The following TSPAN9 variants were observed in gnomAD, a reference collection of about 807,000 sequenced individuals.
TSPAN9 encodes tetraspanin 9.
A neutral mutation model predicts 31.0 loss-of-function variants in TSPAN9; 16 were observed. That is an observed-to-expected ratio of 0.52 (90% CI 0.35 to 0.78). The LOEUF (loss-of-function observed/expected upper bound fraction) is 0.78, where lower values mean the gene tolerates loss of function less well. TSPAN9 is among the 30% of genes least tolerant of loss of function. The pLI is 0.01. For synonymous variants in TSPAN9, 145 were observed against 121.6 expected (o/e 1.19, Z -1.27); for missense variants, 272 against 312.5 (o/e 0.87, Z 0.98).
chr12:3,134,149 G>A (rs558220103), intron 2 of TSPAN9, among the ~76,000 whole-genome samples: 138 of 152,204 alleles, frequency 9.1e-4, no homozygotes, highest in African/African-American at 3.2e-3. Context: ...AGCCTTTCCC[G>A]CCGTGGACTG....
intron 3 of TSPAN9, among the ~76,000 whole-genome samples, chr12:3,245,743 C>T (rs533626516): frequency 1.4e-4 from 21 of 152,292 alleles, no homozygotes; most frequent in African/African-American, 2.2e-4. Flanking sequence ...CAGACCGGCC[C>T]GTGGCACGGA....
intron 2 of TSPAN9, 37 bp from the exon 3 acceptor site, chr12:3,201,140 G>T: frequency 6.4e-7 from 1 of 1,555,478 alleles, no homozygotes; most frequent in Admixed American, 1.7e-5. Flanking sequence ...CAAGTACGTG[G>T]TGTTTTACCT....
intron 3 of TSPAN9, among the ~76,000 whole-genome samples, chr12:3,247,102 G>C (rs886420963): frequency 6.6e-6 from 1 of 152,140 alleles, no homozygotes; most frequent in Non-Finnish European, 1.5e-5. Flanking sequence ...CCCAGGACAC[G>C]TTCACTGTGT....
chr12:3,101,111 C>G (rs1401160640), intron 2 of TSPAN9, among the ~76,000 whole-genome samples: 2 of 152,108 alleles, frequency 1.3e-5, no homozygotes, highest in African/African-American at 4.8e-5. Flanking sequence ...AAACTACACT[C>G]CATAGGAATT....
At chr12:3,206,499 C>T (rs1364074403) in intron 3 of TSPAN9, 6 of 332,788 alleles carry the variant, frequency 1.8e-5, no homozygotes, top group East Asian at 1.6e-4. Context: ...CTCCCCTCTA[C>T]ACCCACACAG....
chr12:3,099,632 G>T (rs1445896432), intron 2 of TSPAN9, among the ~76,000 whole-genome samples: 1 of 152,256 alleles, frequency 6.6e-6, no homozygotes, highest in Admixed American at 6.5e-5. Context: ...ATTGGGTTTT[G>T]TTATATTTCC....
chr12:3,183,817 T>C (rs1211789488), intron 2 of TSPAN9, among the ~76,000 whole-genome samples: 7 of 152,200 alleles, frequency 4.6e-5, no homozygotes, highest in African/African-American at 1.7e-4. Flanking sequence ...TACTCGGTGA[T>C]TGGCCTCAGG....
At chr12:3,238,797 C>G (rs1034804223) in intron 3 of TSPAN9, among the ~76,000 whole-genome samples, 28 of 152,336 alleles carry the variant, frequency 1.8e-4, no homozygotes, top group African/African-American at 6.5e-4. Context: ...CCGTTTAGTG[C>G]TTGGCGTCTG....
intron 3 of TSPAN9, chr12:3,212,035 G>A (rs1012882984): frequency 3.9e-5 from 24 of 620,488 alleles, no homozygotes; most frequent in Admixed American, 8.8e-5. Flanking sequence ...GCAGTGGCAT[G>A]ATCTCAGCTC....
intron 2 of TSPAN9, among the ~76,000 whole-genome samples, chr12:3,133,685 C>A (rs1050928928): frequency 6.6e-6 from 1 of 152,124 alleles, no homozygotes; most frequent in Admixed American, 6.5e-5. Flanking sequence ...TTTTTTTCTC[C>A]CCAGGTGGCT....
chr12:3,078,229 G>C (rs1171536508), intron 1 of TSPAN9, among the ~76,000 whole-genome samples: 1 of 152,056 alleles, frequency 6.6e-6, no homozygotes, highest in South Asian at 2.1e-4. Flanking sequence ...ACCAAAACGG[G>C]GGGTAAGAAG....
intron 2 of TSPAN9, among the ~76,000 whole-genome samples, chr12:3,135,380 C>T (rs2098331633): frequency 6.6e-6 from 1 of 152,126 alleles, no homozygotes; most frequent in Non-Finnish European, 1.5e-5. Flanking sequence ...GCCACTGTGC[C>T]CGGCCACCAC....
At chr12:3,104,053 G>A (rs1371609545) in intron 2 of TSPAN9, among the ~76,000 whole-genome samples, 1 of 152,168 alleles carries the variant, frequency 6.6e-6, no homozygotes, top group Non-Finnish European at 1.5e-5. Context: ...GGGAGGGAGT[G>A]AACCTGTGAA....
intron 1 of TSPAN9, among the ~76,000 whole-genome samples, chr12:3,079,692 C>T (rs2098296841): frequency 6.6e-6 from 1 of 152,122 alleles, no homozygotes; most frequent in South Asian, 2.1e-4. Context: ...AAACTCCTGA[C>T]CTCAGGTGAT....
intron 3 of TSPAN9, among the ~76,000 whole-genome samples, chr12:3,213,139 C>T (rs371596717): frequency 6.6e-6 from 1 of 152,132 alleles, no homozygotes; most frequent in East Asian, 1.9e-4. Context: ...TTGGATCATG[C>T]GGGGAAGGGC....
At chr12:3,221,559 A>G (rs536879956) in intron 3 of TSPAN9, among the ~76,000 whole-genome samples, 1 of 152,258 alleles carries the variant, frequency 6.6e-6, no homozygotes, top group African/African-American at 2.4e-5. Context: ...GAGTTTCACC[A>G]TGTTGGCCAG....
At chr12:3,186,560 G>T (rs2098361502) in intron 2 of TSPAN9, among the ~76,000 whole-genome samples, 1 of 151,542 alleles carries the variant, frequency 6.6e-6, no homozygotes, top group African/African-American at 2.4e-5. Flanking sequence ...GTGTGTGTGT[G>T]TGTGTGTGTG....
intron 7 of TSPAN9, among the ~76,000 whole-genome samples, 161 bp from the exon 8 acceptor site, chr12:3,281,573 T>G: frequency 6.7e-6 from 1 of 148,842 alleles, no homozygotes; most frequent in African/African-American, 2.5e-5. Flanking sequence ...GCCTTGCGGG[T>G]GGGGCGGAGG....
chr12:3,141,239 G>A (rs1367278249), intron 2 of TSPAN9, among the ~76,000 whole-genome samples: 1 of 152,076 alleles, frequency 6.6e-6, no homozygotes, highest in Non-Finnish European at 1.5e-5. Context: ...CTGCTCCTTG[G>A]TGCCAGAACC....
Sources: gnomAD v4.1 joint callset for allele counts (sites outside exome capture counted in the v4.1 genomes callset) on GRCh38, gnomAD v4.1.1 for gene constraint, MANE v1.5 for transcripts, NCBI Gene and HGNC (gene_info 2026-07-23, HGNC 2026-07-21) for gene names.